Variants in MCMDC2 observed in about 807,000 individuals in gnomAD.
MCMDC2 encodes the protein minichromosome maintenance domain containing 2.
A neutral mutation model predicts 75.8 loss-of-function variants in MCMDC2; 54 were observed. That is an observed-to-expected ratio of 0.71 (90% CI 0.57 to 0.89). MCMDC2 has a LOEUF of 0.89. Among genes scored for constraint, MCMDC2 ranks in the 40% least tolerant of loss-of-function variants. MCMDC2 has a pLI of 0.00. For missense variants in MCMDC2, 656 were observed against 780.4 expected, an observed-to-expected ratio of 0.84 and a Z score of 1.90; for synonymous variants, 249 against 274.6, an observed-to-expected ratio of 0.91 and a Z score of 0.92.
chr8:66,875,849 G>A (rs894938480), intron 4 of MCMDC2, among the ~76,000 whole-genome samples: 5 of 152,174 alleles, frequency 3.3e-5, no homozygotes, highest in African/African-American at 4.8e-5. Context: ...TTGGTCCTAC[G>A]TTATATAATC....
At chr8:66,908,405 T>A (rs572615606) in intron 14 of MCMDC2, among the ~76,000 whole-genome samples, 11 of 152,312 alleles carry the variant, frequency 7.2e-5, no homozygotes, top group African/African-American at 2.6e-4. Flanking sequence ...CTTCTCCTAG[T>A]CTATGTTTAA....
chr8:66,901,345 A>G lies in MCMDC2; in HGVS notation c.1766A>G (p.Tyr589Cys). ...AAGCTGTCAGCATCTGCATTAAAAT[A>G]TCTGTAGGTATTCAATTCAAGATTT... Reference protein sequence around the residue: ...GSKLSASALKYLVFLSEAHAR... With the variant: ...GSKLSASALKCLVFLSEAHAR... The change falls in exon 13 of 15, where the codon TAT (tyrosine) becomes TGT (cysteine). Residue 589 changes from tyrosine (Y) to cysteine (C), a missense_variant. Transcript: ENST00000422365. 3 of 1,602,874 alleles carry G rather than the reference A, an allele frequency of 1.9e-6. No individual in the cohort carries two copies. Among genetic ancestry groups the G allele is most frequent in the Non-Finnish European group, 2.5e-6 (3 of 1,176,664 alleles).
intron 11 of MCMDC2, 125 bp downstream of exon 11, chr8:66,896,461 A>G: frequency 1.2e-6 from 1 of 866,442 alleles, no homozygotes; most frequent in Non-Finnish European, 1.7e-6. Context: ...GAACTACATG[A>G]TGACCCAGTT....
In MCMDC2 at chr8:66,873,950, T is replaced by C. The variant is rs534639687; in HGVS notation, c.-88-103T>C. On this transcript the variant is annotated intron_variant, in intron 1 of 14. Transcript: ENST00000422365. ...GTTTTGTTTTCATTGGGTAGGAATG[T>C]TTTTAAGTTGGAAATTTTGCCTAGT... is the stretch of plus-strand genomic sequence containing the variant. The C allele has an allele frequency of 2.1e-5, 9 of 438,164 alleles. No individual in the cohort carries two copies. In the East Asian group the frequency reaches 2.8e-4, roughly 14 times the overall value. 27.1% of individuals were successfully genotyped at this position (438,164 alleles called of 1,614,324 possible).
chr8:66,923,634 C>T (rs900501456), downstream of MCMDC2, among the ~76,000 whole-genome samples: 3 of 152,106 alleles, frequency 2.0e-5, no homozygotes, highest in East Asian at 1.9e-4. Flanking sequence ...CGGTGTCTCC[C>T]GCCTGTAATC....
At chr8:66,878,950 A>G in intron 7 of MCMDC2, 31 bp downstream of exon 7, 1 of 1,342,994 alleles carries the variant, frequency 7.4e-7, no homozygotes, top group South Asian at 1.2e-5. Context: ...CTAAAAAAAA[A>G]TTGCTATAAA....
At chr8:66,922,917 TAGTC>T (rs1182141427), downstream of MCMDC2, among the ~76,000 whole-genome samples, 2 of 152,206 alleles carry the variant, frequency 1.3e-5, no homozygotes, top group African/African-American at 2.4e-5. Context: ...GCTTTTTTGA[TAGTC>T]AGTACTGACA....
intron 13 of MCMDC2, among the ~76,000 whole-genome samples, chr8:66,903,781 T>C (rs1344650813): frequency 6.6e-6 from 1 of 152,200 alleles, no homozygotes; most frequent in Non-Finnish European, 1.5e-5. Context: ...TTCTAAAGGC[T>C]CTATACATAT....
intron 14 of MCMDC2, among the ~76,000 whole-genome samples, chr8:66,914,888 G>C (rs1813244899): frequency 6.6e-6 from 1 of 152,062 alleles, no homozygotes; most frequent in Non-Finnish European, 1.5e-5. Context: ...AGAGTTGGGG[G>C]CAGCGGAAGG....
intron 10 of MCMDC2, among the ~76,000 whole-genome samples, chr8:66,895,405 T>C (rs1307690533): frequency 1.9e-4 from 29 of 150,890 alleles, no homozygotes; most frequent in African/African-American, 7.1e-4. Flanking sequence ...TCTTTCTTTT[T>C]TTTTTTTTTT....
chr8:66,918,825 G>A (rs1254798448), intron 14 of MCMDC2, among the ~76,000 whole-genome samples, 178 bp from the exon 15 acceptor site: 1 of 152,078 alleles, frequency 6.6e-6, no homozygotes, highest in South Asian at 2.1e-4. Context: ...AATGATTATT[G>A]AAATACTCTA....
At chr8:66,885,661 TATC>T (rs1436630795) in intron 9 of MCMDC2, among the ~76,000 whole-genome samples, 2 of 152,146 alleles carry the variant, frequency 1.3e-5, no homozygotes, top group African/African-American at 4.8e-5. Context: ...AATCAGATCT[TATC>T]ATCATCACTA....
chr8:66,896,211 A>G lies in MCMDC2; in HGVS notation c.1321A>G (p.Lys441Glu). The part of the protein sequence containing the change: ...RSITVYIPGK[K>E]FGEDIDQQMT... ...CATCACAGTGTACATCCCAGGAAAG[A>G]AGTTTGGGGAGGATATTGATCAACA... is the stretch of plus-strand genomic sequence containing the variant. The change falls in exon 11 of 15, where the codon AAG (lysine) becomes GAG (glutamate). Residue 441 changes from lysine (K) to glutamate (E), a missense_variant. Transcript: ENST00000422365. The G allele has an allele frequency of 4.3e-6, 7 of 1,612,590 alleles. No homozygotes were observed. The highest frequency in any genetic ancestry group is 5.9e-6 in the Non-Finnish European group (7 of 1,179,774).
chr8:66,909,203 G>C (rs764472953), intron 14 of MCMDC2, among the ~76,000 whole-genome samples: 1 of 152,180 alleles, frequency 6.6e-6, no homozygotes, highest in Non-Finnish European at 1.5e-5. Flanking sequence ...ATGATTGTAA[G>C]TTTCCTGAGG....
At chr8:66,903,159 T>A (rs1445534583) in intron 13 of MCMDC2, among the ~76,000 whole-genome samples, 1 of 151,154 alleles carries the variant, frequency 6.6e-6, no homozygotes, top group Non-Finnish European at 1.5e-5. Context: ...TTGATCTGAG[T>A]ATTTTAAATG....
In MCMDC2 at chr8:66,874,461, G is replaced by A; in HGVS notation, c.225+5G>A. On this transcript the variant is annotated splice_donor_5th_base_variant and intron_variant, in intron 3 of 14. Transcript: ENST00000422365. ...GCTGCTGAAGTCTTTCAATCAGTAA[G>A]TCAAAAAAAGAAATAATTTTATGCC... 1.9e-6 allele frequency: 3 copies of A among 1,611,382 alleles called. No homozygotes were observed. Among genetic ancestry groups the A allele is most frequent in the Non-Finnish European group, 2.5e-6 (3 of 1,179,442 alleles).
Position 66,921,665 on chromosome 8 carries a change from GAATAA to G in MCMDC2, c.*2499_*2503del, listed in dbSNP as rs1342124451. The G allele has an allele frequency of 1.3e-5, 2 of 152,142 alleles. No individual in the cohort carries two copies. Among genetic ancestry groups the G allele is most frequent in the Non-Finnish European group, 2.9e-5 (2 of 68,026 alleles). 9.4% of individuals were successfully genotyped at this position (152,142 alleles called of 1,614,324 possible). Reference sequence around the variant, plus strand: ...TTGTTCACAAAGATGAAAGCAAACTGAATAAAAAAGGTGAAACCTTTATCTGTAAG... The same window carrying G: ...TTGTTCACAAAGATGAAAGCAAACTGAAAAGGTGAAACCTTTATCTGTAAG... On this transcript the variant is annotated 3_prime_UTR_variant, in exon 15 of 15. Transcript: ENST00000422365.
At chr8:66,874,008 AGTC>A (rs1314096960) in intron 1 of MCMDC2, 42 bp from the exon 2 acceptor site, 1 of 581,214 alleles carries the variant, frequency 1.7e-6, no homozygotes, top group Non-Finnish European at 2.7e-6. Flanking sequence ...TAATTTGTAA[AGTC>A]TTATTAGAGA....
chr8:66,897,943 AT>A (rs938511416), intron 12 of MCMDC2, among the ~76,000 whole-genome samples: 99 of 152,210 alleles, frequency 6.5e-4, no homozygotes, highest in African/African-American at 2.2e-3. Context: ...AGTCATTAAA[AT>A]TTTTTTTCAT....
Sources: gnomAD v4.1 joint callset for allele counts (sites outside exome capture counted in the v4.1 genomes callset) on GRCh38, gnomAD v4.1.1 for gene constraint, MANE v1.5 for transcripts, NCBI Gene and HGNC (gene_info 2026-07-23, HGNC 2026-07-21) for gene names.